SMYD3: variants seen among roughly 807,000 people sequenced by gnomAD.
SMYD3 encodes histone-lysine N-methyltransferase SMYD3.
Under a neutral mutation model 57.7 loss-of-function variants are expected in SMYD3, and 36 were observed. That is an observed-to-expected ratio of 0.62 (90% CI 0.48 to 0.82). The LOEUF (loss-of-function observed/expected upper bound fraction) is 0.82. Ranked by LOEUF, SMYD3 falls within the 40% of genes least tolerant of loss-of-function variation. The pLI is 0.00. For missense variants in SMYD3, 515 were observed against 538.8 expected (o/e 0.96, Z 0.44); for synonymous variants, 211 against 195.0 (o/e 1.08, Z -0.68).
At chr1:245,912,423 G>A (rs1177929107) in intron 8 of SMYD3, among the ~76,000 whole-genome samples, 1 of 152,028 alleles carries the variant, frequency 6.6e-6, no homozygotes, top group Non-Finnish European at 1.5e-5. Context: ...GTTAAATGAT[G>A]ATACTATCCA....
chr1:246,039,913 A>T (rs2059839014), intron 5 of SMYD3, among the ~76,000 whole-genome samples: 1 of 152,224 alleles, frequency 6.6e-6, no homozygotes, highest in African/African-American at 2.4e-5. Context: ...TGAGAAGAAG[A>T]GTGGCTAAGC....
chr1:245,892,446 T>A (rs549144413), intron 8 of SMYD3, among the ~76,000 whole-genome samples: 1 of 152,342 alleles, frequency 6.6e-6, no homozygotes, highest in East Asian at 1.9e-4. Context: ...GAAGGTAACT[T>A]GCTGATGTCA....
At chr1:245,966,607 T>C (rs910140798) in intron 5 of SMYD3, among the ~76,000 whole-genome samples, 2 of 152,224 alleles carry the variant, frequency 1.3e-5, no homozygotes, top group Admixed American at 6.5e-5. Flanking sequence ...TAATCTTTTC[T>C]ACAGGCTGAT....
intron 5 of SMYD3, chr1:246,321,823 AC>A (rs2065254153): frequency 6.6e-6 from 1 of 151,838 alleles, no homozygotes; most frequent in Non-Finnish European, 1.5e-5. Context: ...ATCACAGCTC[AC>A]TGCAGCCTCG....
At chr1:246,288,630 G>A (rs943570222) in intron 5 of SMYD3, among the ~76,000 whole-genome samples, 4 of 152,090 alleles carry the variant, frequency 2.6e-5, no homozygotes, top group Non-Finnish European at 4.4e-5. Flanking sequence ...CCATTGCCAT[G>A]GAAGGACAAG....
At chr1:246,241,882 A>G (rs1327808804) in intron 5 of SMYD3, among the ~76,000 whole-genome samples, 3 of 152,044 alleles carry the variant, frequency 2.0e-5, no homozygotes, top group Non-Finnish European at 4.4e-5. Context: ...ATTTGCATAG[A>G]GGTGTTTATA....
intron 5 of SMYD3, among the ~76,000 whole-genome samples, chr1:246,041,250 C>A (rs1319724446): frequency 6.6e-6 from 1 of 152,150 alleles, no homozygotes; most frequent in South Asian, 2.1e-4. Flanking sequence ...TGAAGATGCA[C>A]TTCCCAGAAA....
Position 246,071,737 on chromosome 1 carries a change from G to A in SMYD3, c.532-141800C>T, listed in dbSNP as rs368918640. 1.5e-4 allele frequency among the ~76,000 whole-genome samples: 23 copies of A among 152,270 alleles called. No individual in the cohort carries two copies. The East Asian group carries it at 1.7e-3, about 12-fold the overall frequency. ...TGCAATCCTGAAAGCCAAGTTCTGG[G>A]GAGGGATTCGAGTGCTTTCCGCTGT... On this transcript the variant is annotated intron_variant, in intron 5 of 11. Transcript: ENST00000490107.
chr1:246,079,400 T>C (rs537512107), intron 5 of SMYD3, among the ~76,000 whole-genome samples: 19 of 152,222 alleles, frequency 1.2e-4, no homozygotes, highest in Non-Finnish European at 2.8e-4. Context: ...ATAATGAAGA[T>C]TGATGTATTT....
At chr1:246,162,028 T>A (rs1173279953) in intron 5 of SMYD3, among the ~76,000 whole-genome samples, 1 of 152,164 alleles carries the variant, frequency 6.6e-6, no homozygotes, top group Non-Finnish European at 1.5e-5. Context: ...AGCTGTGGGT[T>A]CAGTAAGTGA....
At chr1:245,853,724 GA>G (rs11296267) in intron 10 of SMYD3, among the ~76,000 whole-genome samples, 115,996 of 151,130 alleles carry the variant, frequency 0.77, 46,334 homozygotes, top group Non-Finnish European at 0.9. Context: ...AAAAAAAGGA[GA>G]AAAAAAAAAT....
chr1:245,841,563 C>T (rs564781157), intron 10 of SMYD3, among the ~76,000 whole-genome samples: 44 of 152,102 alleles, frequency 2.9e-4, no homozygotes, highest in East Asian at 5.8e-4. Context: ...AAATTCTAAA[C>T]GGACGGAAAC....
chr1:245,990,441 A>C (rs1477471826), intron 5 of SMYD3, among the ~76,000 whole-genome samples: 2 of 152,096 alleles, frequency 1.3e-5, no homozygotes, highest in Non-Finnish European at 2.9e-5. Context: ...TCCTACTCCT[A>C]CTTCCTTTTG....
At chr1:246,186,926 A>C (rs1420852675) in intron 5 of SMYD3, 1 of 985,350 alleles carries the variant, frequency 1.0e-6, no homozygotes, top group Non-Finnish European at 1.2e-6. Flanking sequence ...GTCTCACGGA[A>C]CAACTTTTCG....
intron 5 of SMYD3, among the ~76,000 whole-genome samples, chr1:246,086,722 AATTTTT>A (rs927514741): frequency 1.3e-5 from 2 of 151,508 alleles, no homozygotes; most frequent in Middle Eastern, 3.4e-3. Context: ...TAATTTTTTT[AATTTTT>A]ATTTTTATTT....
intron 5 of SMYD3, among the ~76,000 whole-genome samples, chr1:246,259,509 G>A (rs2063960792): frequency 6.6e-6 from 1 of 151,866 alleles, no homozygotes. Flanking sequence ...TCTTTGCTCT[G>A]CCTTTGGTTT....
chr1:246,396,670 G>A (rs894061919), intron 1 of SMYD3, among the ~76,000 whole-genome samples: 4 of 152,176 alleles, frequency 2.6e-5, no homozygotes, highest in Admixed American at 1.3e-4. Flanking sequence ...GGTGGGGCAC[G>A]ACTGAATCAT....
chr1:245,923,347 A>G (rs1433816341), intron 7 of SMYD3, among the ~76,000 whole-genome samples: 1 of 152,054 alleles, frequency 6.6e-6, no homozygotes, highest in Non-Finnish European at 1.5e-5. Context: ...AAACCCTTCA[A>G]TCATGTCCCG....
At chr1:246,277,279 T>C (rs1316715441) in intron 5 of SMYD3, among the ~76,000 whole-genome samples, 1 of 151,838 alleles carries the variant, frequency 6.6e-6, no homozygotes, top group East Asian at 1.9e-4. Context: ...ACATCATTTA[T>C]CAAGGAAATG....
Sources: gnomAD v4.1 joint callset for allele counts (sites outside exome capture counted in the v4.1 genomes callset) on GRCh38, gnomAD v4.1.1 for gene constraint, MANE v1.5 for transcripts, NCBI Gene and HGNC (gene_info 2026-07-23, HGNC 2026-07-21) for gene names.